Variants in ADAM17 observed in about 807,000 individuals in gnomAD.
The protein encoded by ADAM17 is ADAM metallopeptidase domain 17.
Under a neutral mutation model 96.7 loss-of-function variants are expected in ADAM17, and 39 were observed. The observed-to-expected ratio is 0.40, with a 90% CI of 0.31 to 0.53. The LOEUF (loss-of-function observed/expected upper bound fraction) is 0.53, where lower values mean the gene tolerates loss of function less well. Ranked by LOEUF, ADAM17 falls within the 20% of genes least tolerant of loss-of-function variation. The pLI is 0.44. For missense variants in ADAM17, 777 were observed against 1,013.2 expected (o/e 0.77, Z 3.17); for synonymous variants, 344 against 359.2 (o/e 0.96, Z 0.48).
intron 2 of ADAM17, among the ~76,000 whole-genome samples, chr2:9,539,506 C>T (rs1430369917): frequency 6.6e-6 from 1 of 152,202 alleles, no homozygotes; most frequent in East Asian, 1.9e-4. Flanking sequence ...TTCAACTCTT[C>T]ATACAACCTC....
chr2:9,552,922 G>A (rs1272693624), intron 1 of ADAM17, among the ~76,000 whole-genome samples: 1 of 152,016 alleles, frequency 6.6e-6, no homozygotes, highest in African/African-American at 2.4e-5. Flanking sequence ...ATTGAGTACT[G>A]CAATATAGTA....
At chr2:9,536,357 T>C (rs1664959110) in intron 3 of ADAM17, among the ~76,000 whole-genome samples, 1 of 152,156 alleles carries the variant, frequency 6.6e-6, no homozygotes, top group Admixed American at 6.5e-5. Context: ...ACATACGTAA[T>C]AGGATCACCA....
chr2:9,505,723 A>C, intron 11 of ADAM17: 2 of 248,626 alleles, frequency 8.0e-6, no homozygotes, highest in East Asian at 8.9e-5. Flanking sequence ...AAATCTCCTC[A>C]CCTCAGGCAT....
Position 9,518,116 on chromosome 2 carries a change from A to T in ADAM17, c.1089T>A (p.Gly363=). The change falls in exon 9 of 19, where the codon GGT becomes GGA. Residue 363 remains glycine, a synonymous_variant. Coordinates refer to ENST00000310823, the MANE Select transcript of ADAM17 (RefSeq NM_003183.6). Reference sequence around the variant, plus strand: ...GGAAAAACTTACCCTTTGGACAAACACCTCCATGGCTGTTTGCTCTGGGAG... The same window carrying T: ...GGAAAAACTTACCCTTTGGACAAACTCCTCCATGGCTGTTTGCTCTGGGAG... The part of the protein sequence containing the change: ...VGSPRANSHG[G]VCPKAYYSPV... The T allele has an allele frequency of 6.3e-7, 1 of 1,588,640 alleles. No homozygotes were observed. Among genetic ancestry groups the T allele is most frequent in the Non-Finnish European group, 8.5e-7 (1 of 1,171,764 alleles).
chr2:9,491,093 ATACTTACACTGGGG>A lies in ADAM17; in HGVS notation c.2127_2133+7del. The A allele has an allele frequency of 6.2e-7, 1 of 1,611,718 alleles. No individual in the cohort carries two copies. The highest frequency in any genetic ancestry group is 8.5e-7 in the Non-Finnish European group (1 of 1,177,984). On this transcript the variant is annotated splice_donor_variant and splice_donor_5th_base_variant and coding_sequence_variant and intron_variant, in exon 18 of 19. Coordinates refer to ENST00000310823, the MANE Select transcript of ADAM17 (RefSeq NM_003183.6). LOFTEE classifies it high-confidence loss of function. ...GAAGATTATGTTTCTTTCATATGGTATACTTACACTGGGGTGAAACAGAGACAGAGATTCATACT... is the reference window on the plus strand; with the variant it reads ...GAAGATTATGTTTCTTTCATATGGTATGAAACAGAGACAGAGATTCATACT...
chr2:9,538,292 A>G (rs566427913), intron 2 of ADAM17, among the ~76,000 whole-genome samples: 1 of 152,318 alleles, frequency 6.6e-6, no homozygotes, highest in East Asian at 1.9e-4. Context: ...TTACTTCCCC[A>G]TGGGATTGCA....
At chr2:9,515,177 C>G (rs1429421068) in intron 10 of ADAM17, among the ~76,000 whole-genome samples, 2 of 152,180 alleles carry the variant, frequency 1.3e-5, no homozygotes, top group East Asian at 3.9e-4. Flanking sequence ...CTCCCTCCCC[C>G]AGCATCTAGC....
At chr2:9,491,254 C>T in intron 17 of ADAM17, 103 bp from the exon 18 acceptor site, 6 of 1,073,756 alleles carry the variant, frequency 5.6e-6, no homozygotes, top group Non-Finnish European at 8.2e-6. Context: ...GAACTTAGAA[C>T]CTGAGTTGTA....
At position 9,505,448 on chromosome 2, in the gene ADAM17, C is replaced by T; in HGVS notation, c.1345-83G>A. The T allele has an allele frequency of 2.1e-6, 3 of 1,404,192 alleles. 1 individual carries two copies. 87.0% of individuals were successfully genotyped at this position (1,404,192 alleles called of 1,614,324 possible). A position where few individuals can be genotyped will look rare whatever the true frequency, so the allele number is the denominator to read the frequency against. On this transcript the variant is annotated intron_variant, in intron 11 of 18. Transcript: ENST00000310823. ...GCAATGTTTGTGTCTTCTCTAGAGA[C>T]AAACTCTTAATGTAAAACCACCATC...
chr2:9,540,887 C>T (rs1399807453), intron 2 of ADAM17, among the ~76,000 whole-genome samples: 2 of 152,130 alleles, frequency 1.3e-5, no homozygotes, highest in Non-Finnish European at 2.9e-5. Context: ...GGCTGATAAA[C>T]CTACTATTGG....
chr2:9,527,283 C>CAAACAAAACAAAACAAAACA lies in ADAM17; in HGVS notation c.619+483_619+502dup, dbSNP rs60074409. ...GTTGCAGTGAGCCGAGATCGCGCTGCAAACAAAACAAAACAAAACAAAACA... is the reference window on the plus strand; with the variant it reads ...GTTGCAGTGAGCCGAGATCGCGCTGCAAACAAAACAAAACAAAACAAAACAAAACAAAACAAAACAAAACA... On this transcript the variant is annotated intron_variant, in intron 5 of 18. Transcript: ENST00000310823. Among the ~76,000 whole-genome samples the CAAACAAAACAAAACAAAACA allele has an allele frequency of 2.8e-3, 414 of 150,226 alleles. 3 individuals are homozygous for CAAACAAAACAAAACAAAACA. The highest frequency in any genetic ancestry group is 9.8e-3 in the African/African-American group (398 of 40,698).
At position 9,516,773 on chromosome 2, in the gene ADAM17, A is replaced by G. The variant is rs568483777; in HGVS notation, c.1191+1128T>C. Among the ~76,000 whole-genome samples, 12 of 152,296 alleles carry G rather than the reference A, an allele frequency of 7.9e-5. No individual in the cohort carries two copies. The East Asian group carries it at 2.3e-3, about 29-fold the overall frequency. On this transcript the variant is annotated intron_variant, in intron 10 of 18. Coordinates refer to ENST00000310823, the MANE Select transcript of ADAM17 (RefSeq NM_003183.6). ...GTCTCAAAAAAAATAAAAATTAAAT[A>G]AAAATTAAAAATCAGTATATCAGAT...
chr2:9,531,099 G>A (rs1011697719), intron 4 of ADAM17, among the ~76,000 whole-genome samples: 21 of 151,978 alleles, frequency 1.4e-4, no homozygotes, highest in African/African-American at 2.4e-4. Flanking sequence ...TTGGGATTAC[G>A]GGCGCAAGCC....
intron 1 of ADAM17, among the ~76,000 whole-genome samples, chr2:9,550,045 G>T (rs1360944723): frequency 2.0e-5 from 3 of 152,048 alleles, no homozygotes; most frequent in Non-Finnish European, 4.4e-5. Context: ...AGTGTTTATT[G>T]TGTTTGTGCT....
rs540778005 is a variant in ADAM17, at chr2:9,504,586, G to C, written c.1544+580C>G. Among the ~76,000 whole-genome samples the C allele has an allele frequency of 2.0e-5, 3 of 152,014 alleles. No individual in the cohort carries two copies. The East Asian group carries it at 5.8e-4, about 29-fold the overall frequency. Reference sequence around the variant, plus strand: ...TGGAGACCATCCTGGCCACCGTAGTGAAACCTCGTCTCTACTAATACAAAA... The same window carrying C: ...TGGAGACCATCCTGGCCACCGTAGTCAAACCTCGTCTCTACTAATACAAAA... On this transcript the variant is annotated intron_variant, in intron 12 of 18. Transcript: ENST00000310823.
intron 1 of ADAM17, among the ~76,000 whole-genome samples, chr2:9,549,634 C>T (rs1424608936): frequency 6.6e-6 from 1 of 152,020 alleles, no homozygotes; most frequent in Non-Finnish European, 1.5e-5. Context: ...CATGAGCAAT[C>T]CTCCGGGTGG....
At chr2:9,544,433 G>A (rs528399923) in intron 1 of ADAM17, among the ~76,000 whole-genome samples, 1 of 152,302 alleles carries the variant, frequency 6.6e-6, no homozygotes, top group Admixed American at 6.5e-5. Context: ...TTTGAGGCAG[G>A]AGAATCGCTT....
rs570473371 is a variant in ADAM17, at chr2:9,551,522, C to T, written c.97+3987G>A. Among the ~76,000 whole-genome samples, 7 of 152,244 alleles carry T rather than the reference C, an allele frequency of 4.6e-5. No individual in the cohort carries two copies. In the East Asian group the frequency reaches 5.8e-4, roughly 13 times the overall value. The stretch of plus-strand genomic sequence containing the variant: ...TCGCCCAGGCTGGAGTGCAGTGGCG[C>T]GATCTCGGCTCACTGCAAGCTCCAC... On this transcript the variant is annotated intron_variant, in intron 1 of 18. Transcript: ENST00000310823.
intron 4 of ADAM17, among the ~76,000 whole-genome samples, chr2:9,531,660 C>T (rs1572943613): frequency 6.6e-6 from 1 of 152,148 alleles, no homozygotes; most frequent in East Asian, 1.9e-4. Flanking sequence ...CGAGATTGCG[C>T]CACTGCACTC....
Sources: gnomAD v4.1 joint callset for allele counts (sites outside exome capture counted in the v4.1 genomes callset) on GRCh38, gnomAD v4.1.1 for gene constraint, MANE v1.5 for transcripts, NCBI Gene and HGNC (gene_info 2026-07-23, HGNC 2026-07-21) for gene names.